Variants in NRG1 observed in about 807,000 individuals in gnomAD.
NRG1 encodes the protein neuregulin 1.
In NRG1, 18 loss-of-function variants were observed where a neutral mutation model predicts 63.8. The ratio of observed to expected loss-of-function variants is 0.28; its 90% CI spans 0.19 to 0.42. NRG1 has a LOEUF of 0.42. Among genes scored for constraint, NRG1 ranks in the 10% least tolerant of loss-of-function variants. NRG1 has a pLI of 1.00. For missense variants in NRG1, 762 were observed against 814.7 expected (o/e 0.94, Z 0.79); for synonymous variants, 302 against 301.3 (o/e 1.00, Z -0.02).
intron 1 of NRG1, among the ~76,000 whole-genome samples, chr8:31,928,352 T>TAAAAAAAAAAAAAAAAAAAAA (rs77001238): frequency 2.5e-5 from 2 of 80,104 alleles, no homozygotes; most frequent in African/African-American, 9.9e-5. Flanking sequence ...ATGGATGTGG[T>TAAAAAAAAAAAAAAAAAAAAA]AAAAAAAAAA....
intron 1 of NRG1, among the ~76,000 whole-genome samples, chr8:31,700,432 G>A (rs1810518225): frequency 6.6e-6 from 1 of 152,180 alleles, no homozygotes; most frequent in South Asian, 2.1e-4. Flanking sequence ...TGTGGAGCTG[G>A]TGAAACTACA....
intron 1 of NRG1, among the ~76,000 whole-genome samples, chr8:31,728,990 A>T (rs1275524586): frequency 6.6e-6 from 1 of 152,206 alleles, no homozygotes; most frequent in African/African-American, 2.4e-5. Context: ...TCTAAGGGTC[A>T]TCTGGTTCTG....
chr8:32,468,764 T>C (rs1017680589), intron 1 of NRG1, among the ~76,000 whole-genome samples: 1 of 150,846 alleles, frequency 6.6e-6, no homozygotes. Flanking sequence ...TCATTATCCA[T>C]TAAAAGCCTG....
chr8:31,860,240 A>T (rs886607306), intron 1 of NRG1, among the ~76,000 whole-genome samples: 16 of 152,290 alleles, frequency 1.1e-4, no homozygotes, highest in African/African-American at 3.6e-4. Flanking sequence ...GAGTTCCTTA[A>T]ATGCTATTGT....
intron 1 of NRG1, among the ~76,000 whole-genome samples, chr8:32,474,771 T>C (rs1228918253): frequency 4.6e-5 from 7 of 152,138 alleles, no homozygotes; most frequent in Non-Finnish European, 7.4e-5. Flanking sequence ...CCCAAAGTGC[T>C]GGGATTACAG....
At chr8:32,716,630 T>A (rs1819294748) in intron 5 of NRG1, among the ~76,000 whole-genome samples, 1 of 152,174 alleles carries the variant, frequency 6.6e-6, no homozygotes, top group Non-Finnish European at 1.5e-5. Flanking sequence ...ATATTCCTTG[T>A]GTCTGACGAT....
chr8:32,567,687 C>G (rs114133674), intron 1 of NRG1, among the ~76,000 whole-genome samples: 1 of 152,202 alleles, frequency 6.6e-6, no homozygotes, highest in Admixed American at 6.5e-5. Flanking sequence ...CCCTGGCACT[C>G]TTAAGTTGCT....
intron 5 of NRG1, among the ~76,000 whole-genome samples, chr8:32,698,515 T>A (rs1169272543): frequency 3.3e-5 from 5 of 152,198 alleles, no homozygotes; most frequent in Non-Finnish European, 5.9e-5. Context: ...ATAGCAGACA[T>A]ACCTGTCTTT....
intron 1 of NRG1, among the ~76,000 whole-genome samples, chr8:31,800,487 A>G (rs1821657464): frequency 6.6e-6 from 1 of 152,180 alleles, no homozygotes; most frequent in African/African-American, 2.4e-5. Flanking sequence ...TTATCTCAGT[A>G]AAGTTGACAG....
At chr8:32,691,520 A>G (rs1337121879) in intron 5 of NRG1, among the ~76,000 whole-genome samples, 1 of 152,226 alleles carries the variant, frequency 6.6e-6, no homozygotes, top group Non-Finnish European at 1.5e-5. Flanking sequence ...TAAGAAACAC[A>G]GAATCTAAAA....
chr8:32,214,444 C>T (rs1845011688), intron 1 of NRG1, among the ~76,000 whole-genome samples: 1 of 152,142 alleles, frequency 6.6e-6, no homozygotes. Flanking sequence ...GTAGATTATA[C>T]AAATAATAAC....
At chr8:32,565,052 A>C (rs527732496) in intron 1 of NRG1, among the ~76,000 whole-genome samples, 2 of 151,186 alleles carry the variant, frequency 1.3e-5, no homozygotes, top group Non-Finnish European at 3.0e-5. Flanking sequence ...CCAGGGTGAC[A>C]GAGAAAGACC....
At chr8:31,837,894 T>TA (rs1414923002) in intron 1 of NRG1, among the ~76,000 whole-genome samples, 1 of 152,122 alleles carries the variant, frequency 6.6e-6, no homozygotes, top group Non-Finnish European at 1.5e-5. Flanking sequence ...GATGGACACT[T>TA]AGGTGGATTC....
At chr8:32,179,026 G>A (rs1045595987) in intron 1 of NRG1, among the ~76,000 whole-genome samples, 1 of 151,870 alleles carries the variant, frequency 6.6e-6, no homozygotes, top group African/African-American at 2.4e-5. Flanking sequence ...TTTGGTTTCT[G>A]CAGATCCATT....
intron 1 of NRG1, among the ~76,000 whole-genome samples, chr8:32,220,104 A>C (rs754759124): frequency 6.6e-6 from 1 of 152,246 alleles, no homozygotes; most frequent in Non-Finnish European, 1.5e-5. Flanking sequence ...TCTTAAATGC[A>C]TCAGCCCTAC....
At chr8:32,080,582 C>G (rs1331416302) in intron 1 of NRG1, among the ~76,000 whole-genome samples, 1 of 152,124 alleles carries the variant, frequency 6.6e-6, no homozygotes, top group Non-Finnish European at 1.5e-5. Flanking sequence ...GAGGCTCCTT[C>G]CACTCTCAGA....
chr8:32,445,322 T>C (rs1428604267), intron 1 of NRG1, among the ~76,000 whole-genome samples: 2 of 152,238 alleles, frequency 1.3e-5, no homozygotes, highest in East Asian at 3.8e-4. Flanking sequence ...GAATACCTTT[T>C]TATCCATGGT....
chr8:31,822,098 A>G (rs1214449879), intron 1 of NRG1, among the ~76,000 whole-genome samples: 1 of 152,154 alleles, frequency 6.6e-6, no homozygotes, highest in Admixed American at 6.5e-5. Context: ...CAAACCTCTG[A>G]TTGGACATGA....
At chr8:31,904,671 A>G (rs1296692971) in intron 1 of NRG1, among the ~76,000 whole-genome samples, 1 of 152,226 alleles carries the variant, frequency 6.6e-6, no homozygotes, top group Non-Finnish European at 1.5e-5. Context: ...TGCGGTACAT[A>G]TACATCATCA....
Sources: allele counts gnomAD v4.1 joint callset (sites outside exome capture counted in the v4.1 genomes callset), GRCh38; gene constraint gnomAD v4.1.1; transcripts MANE v1.5; gene names NCBI Gene and HGNC (gene_info 2026-07-23, HGNC 2026-07-21).